Variants in RFTN1 observed in about 807,000 individuals in gnomAD.
RFTN1 encodes raftlin.
A neutral mutation model predicts 46.5 loss-of-function variants in RFTN1; 26 were observed. The observed-to-expected ratio is 0.56, with a 90% confidence interval of 0.41 to 0.78. The LOEUF (loss-of-function observed/expected upper bound fraction) is 0.78, where lower values mean the gene tolerates loss of function less well. RFTN1 is among the 30% of genes least tolerant of loss of function. The pLI is 0.00. For synonymous variants in RFTN1, 261 were observed against 284.2 expected, an observed-to-expected ratio of 0.92 and a Z score of 0.82; for missense variants, 693 against 718.7, an observed-to-expected ratio of 0.96 and a Z score of 0.41.
Position 16,321,544 on chromosome 3 carries a change from G to T in RFTN1, c.1332+1832C>A, listed in dbSNP as rs2069055520. The stretch of plus-strand genomic sequence containing the variant: ...CTTGTCAGCTGAGGAGTGAGGAGGG[G>T]ACACCCAGTGCAGAAGATTCTTCCA... On this transcript the variant is annotated intron_variant, in intron 9 of 9. Coordinates refer to ENST00000334133, the MANE Select transcript of RFTN1 (RefSeq NM_015150.2). The surrounding 1 kb of genome is among the most constrained non-coding windows in gnomAD (Gnocchi z 4.8). Among the ~76,000 whole-genome samples the T allele has an allele frequency of 6.6e-6, 1 of 152,080 alleles. No individual in the cohort carries two copies. The highest frequency in any genetic ancestry group is 2.4e-5 in the African/African-American group (1 of 41,402).
chr3:16,353,226 A>C lies in RFTN1; in HGVS notation c.1146+4706T>G, dbSNP rs568451980. 6.6e-6 allele frequency among the ~76,000 whole-genome samples: 1 copy of C among 152,274 alleles called. No homozygotes were observed. Among genetic ancestry groups the C allele is most frequent in the South Asian group, 2.1e-4 (1 of 4,832 alleles). ...CCTGCTCAGGCCTTAAAAAGGAAAA[A>C]TCTTTCCCAGAGGCCAAAAGGGTGG... On this transcript the variant is annotated intron_variant, in intron 7 of 9. Transcript: ENST00000334133. The surrounding 1 kb of genome is among the most constrained non-coding windows in gnomAD (Gnocchi z 5.4).
In RFTN1 at chr3:16,348,680, A is replaced by C. The variant is rs2071896137; in HGVS notation, c.1146+9252T>G. 6.6e-6 allele frequency among the ~76,000 whole-genome samples: 1 copy of C among 152,166 alleles called. No homozygotes were observed. Among genetic ancestry groups the C allele is most frequent in the Non-Finnish European group, 1.5e-5 (1 of 68,020 alleles). On this transcript the variant is annotated intron_variant, in intron 7 of 9. Coordinates refer to ENST00000334133, the MANE Select transcript of RFTN1 (RefSeq NM_015150.2). The surrounding 1 kb of genome is among the most constrained non-coding windows in gnomAD (Gnocchi z 6.3). The stretch of plus-strand genomic sequence containing the variant: ...GCATCCTTGTTCCTGGGCATCAAAA[A>C]GTAGTCACTCTCTTTGAGCCTATGG...
intron 2 of RFTN1, among the ~76,000 whole-genome samples, chr3:16,439,006 C>A (rs2075570932): frequency 6.6e-6 from 1 of 152,094 alleles, no homozygotes; most frequent in East Asian, 1.9e-4. Flanking sequence ...AAATTTTTAT[C>A]TTAAAATCTA....
At chr3:16,376,000 C>G (rs2073754597) in intron 5 of RFTN1, among the ~76,000 whole-genome samples, 1 of 152,160 alleles carries the variant, frequency 6.6e-6, no homozygotes, top group Non-Finnish European at 1.5e-5. Flanking sequence ...GGACAAGTTT[C>G]CCCAGTGAAT....
At chr3:16,328,877 T>G (rs1216194827) in intron 7 of RFTN1, among the ~76,000 whole-genome samples, 3 of 152,218 alleles carry the variant, frequency 2.0e-5, no homozygotes, top group Admixed American at 2.0e-4. Context: ...TCTAACTTTT[T>G]CCCATCATTC....
At position 16,327,866 on chromosome 3, in the gene RFTN1, C is replaced by T. The variant is rs2069886864; in HGVS notation, c.1147-990G>A. Among the ~76,000 whole-genome samples, 1 of 152,228 alleles carries T rather than the reference C, an allele frequency of 6.6e-6. No individual in the cohort carries two copies. ...GCTTCCACCTCTGCAGGCGTTCTCA[C>T]TGCAACAGGCCTCATTTCTTACTAC... On this transcript the variant is annotated intron_variant, in intron 7 of 9. Coordinates refer to ENST00000334133, the MANE Select transcript of RFTN1 (RefSeq NM_015150.2). This position sits in a 1 kb window ranked among gnomAD's most constrained non-coding sequence, Gnocchi z 4.2.
chr3:16,319,339 T>A (rs945543929), intron 9 of RFTN1, among the ~76,000 whole-genome samples: 1 of 152,192 alleles, frequency 6.6e-6, no homozygotes, highest in East Asian at 1.9e-4. Flanking sequence ...TGCTAAAATG[T>A]CAAAGCATTA....
intron 3 of RFTN1, among the ~76,000 whole-genome samples, chr3:16,423,444 C>T (rs73816435): frequency 0.078 from 11,915 of 152,230 alleles, 1,135 homozygotes; most frequent in African/African-American, 0.23. Flanking sequence ...TTAACCCTCA[C>T]AGCTAAACAA....
At chr3:16,412,418 G>C (rs142353078) in intron 3 of RFTN1, among the ~76,000 whole-genome samples, 2 of 152,306 alleles carry the variant, frequency 1.3e-5, no homozygotes, top group Non-Finnish European at 2.9e-5. Flanking sequence ...GAAGGCAGAA[G>C]GCACAGTCAC....
Position 16,468,283 on chromosome 3 carries a change from G to C in RFTN1, c.145+25442C>G, listed in dbSNP as rs1476507586. On this transcript the variant is annotated intron_variant, in intron 2 of 9. Transcript: ENST00000334133. The surrounding 1 kb of genome is among the most constrained non-coding windows in gnomAD (Gnocchi z 4.4). ...TTCATTTGGAAACTTATCTGTAGGA[G>C]TTCCCAAACCCTCACTGTCGTTCGT... Among the ~76,000 whole-genome samples, 2 of 152,178 alleles carry C rather than the reference G, an allele frequency of 1.3e-5. No individual in the cohort carries two copies. The highest frequency in any genetic ancestry group is 1.3e-4 in the Admixed American group (2 of 15,282).
intron 7 of RFTN1, chr3:16,339,271 C>T (rs1318438091): frequency 6.6e-6 from 1 of 152,270 alleles, no homozygotes; most frequent in African/African-American, 2.4e-5. Flanking sequence ...GCTATGGCTA[C>T]CACAATTCTC....
rs924194336 is a variant in RFTN1 at position 16,442,651 on chromosome 3, C to T, written c.146-8614G>A. Among the ~76,000 whole-genome samples the T allele has an allele frequency of 2.6e-5, 4 of 152,094 alleles. No homozygotes were observed. Among genetic ancestry groups the T allele is most frequent in the Non-Finnish European group, 5.9e-5 (4 of 68,020 alleles). On this transcript the variant is annotated intron_variant, in intron 2 of 9. Transcript: ENST00000334133. This position sits in a 1 kb window ranked among gnomAD's most constrained non-coding sequence, Gnocchi z 4.1. Reference sequence around the variant, plus strand: ...AGTACGCGATGTTATTAGCTATAGTCCCCATGTTGTACATTAGATCTCTAG... The same window carrying T: ...AGTACGCGATGTTATTAGCTATAGTTCCCATGTTGTACATTAGATCTCTAG...
chr3:16,339,589 A>G (rs962566064), intron 7 of RFTN1: 1 of 152,222 alleles, frequency 6.6e-6, no homozygotes, highest in Non-Finnish European at 1.5e-5. Flanking sequence ...CACGGGACAA[A>G]CCAATGATGA....
intron 1 of RFTN1, among the ~76,000 whole-genome samples, chr3:16,496,026 C>T (rs566937928): frequency 2.4e-4 from 36 of 152,330 alleles, no homozygotes; most frequent in African/African-American, 8.2e-4. Flanking sequence ...AAAATTTTGA[C>T]AATGTGGGCT....
In RFTN1 at chr3:16,483,993, G is replaced by T. The variant is rs1256935273; in HGVS notation, c.145+9732C>A. ...TTGGGAACCACTCCTTTAAGCTAAT[G>T]ATTAGTTTTAAAGGCTTTTCTGGAG... On this transcript the variant is annotated intron_variant, in intron 2 of 9. Coordinates refer to ENST00000334133, the MANE Select transcript of RFTN1 (RefSeq NM_015150.2). The surrounding 1 kb of genome is among the most constrained non-coding windows in gnomAD (Gnocchi z 4.8). 6.6e-6 allele frequency among the ~76,000 whole-genome samples: 1 copy of T among 152,130 alleles called. No individual in the cohort carries two copies. Among genetic ancestry groups the T allele is most frequent in the Non-Finnish European group, 1.5e-5 (1 of 68,032 alleles).
In RFTN1 at chr3:16,452,819, C is replaced by T. The variant is rs1047170218; in HGVS notation, c.146-18782G>A. ...AACTGTTATGTGACAATATCACAAG[C>T]CGTTCTTCCCTATCAAGTTCTTTTG... On this transcript the variant is annotated intron_variant, in intron 2 of 9. Coordinates refer to ENST00000334133, the MANE Select transcript of RFTN1 (RefSeq NM_015150.2). The surrounding 1 kb of genome is among the most constrained non-coding windows in gnomAD (Gnocchi z 6.3). 8.5e-5 allele frequency among the ~76,000 whole-genome samples: 13 copies of T among 152,150 alleles called. No individual in the cohort carries two copies. The highest frequency in any genetic ancestry group is 3.1e-4 in the African/African-American group (13 of 41,422).
In RFTN1 at chr3:16,374,006, C is replaced by T. The variant is rs1192914159; in HGVS notation, c.826+3712G>A. ...TAGTGAGGCCCGCTTGCCAGGGCAG[C>T]AGGAAAGGCAAAGTGCAGGGACCGC... On this transcript the variant is annotated intron_variant, in intron 5 of 9. Transcript: ENST00000334133. This position sits in a 1 kb window ranked among gnomAD's most constrained non-coding sequence, Gnocchi z 5.4. Among the ~76,000 whole-genome samples the T allele has an allele frequency of 6.6e-6, 1 of 152,178 alleles. No homozygotes were observed. The highest frequency in any genetic ancestry group is 2.4e-5 in the African/African-American group (1 of 41,420).
In RFTN1 at chr3:16,428,412, G is replaced by C. The variant is rs1386989301; in HGVS notation, c.332+5439C>G. ...AAGACATGCATTGGTCAGGTAGAGA[G>C]ATGCCACAGTATTACATTTTATATG... On this transcript the variant is annotated intron_variant, in intron 3 of 9. Coordinates refer to ENST00000334133, the MANE Select transcript of RFTN1 (RefSeq NM_015150.2). The surrounding 1 kb of genome is among the most constrained non-coding windows in gnomAD (Gnocchi z 4.7). Among the ~76,000 whole-genome samples the C allele has an allele frequency of 2.6e-5, 4 of 152,254 alleles. No individual in the cohort carries two copies. Among genetic ancestry groups the C allele is most frequent in the Non-Finnish European group, 4.4e-5 (3 of 68,046 alleles).
chr3:16,485,628 G>T (rs913742511), intron 2 of RFTN1, among the ~76,000 whole-genome samples: 4 of 152,262 alleles, frequency 2.6e-5, no homozygotes, highest in African/African-American at 9.6e-5. Flanking sequence ...GCAGTTGGCT[G>T]GGTCAGGGCA....
Sources: gnomAD v4.1 joint callset for allele counts (sites outside exome capture counted in the v4.1 genomes callset) on GRCh38, gnomAD v4.1.1 for gene constraint, Gnocchi (gnomAD v3.1) non-coding constraint, MANE v1.5 for transcripts, NCBI Gene and HGNC (gene_info 2026-07-23, HGNC 2026-07-21) for gene names.